The following NCAM2 variants were observed in gnomAD, a reference collection of about 807,000 sequenced individuals.
NCAM2 encodes the protein N-CAM-2.
In NCAM2, 30 loss-of-function variants were observed where a neutral mutation model predicts 98.1. The observed-to-expected ratio is 0.31, with a 90% CI of 0.23 to 0.41. The LOEUF (loss-of-function observed/expected upper bound fraction) is 0.41, where lower values mean the gene tolerates loss of function less well. Ranked by LOEUF, NCAM2 falls within the 10% of genes least tolerant of loss-of-function variation. The pLI, the probability that NCAM2 is intolerant of heterozygous loss-of-function variation, is 1.00. For missense variants in NCAM2, 867 were observed against 1,005.8 expected (o/e 0.86, Z 1.87); for synonymous variants, 368 against 342.4 (o/e 1.07, Z -0.83).
chr21:21,396,116 A>T (rs2145849682), intron 9 of NCAM2, among the ~76,000 whole-genome samples: 1 of 152,098 alleles, frequency 6.6e-6, no homozygotes, highest in Admixed American at 6.5e-5. Context: ...TGTGCATCCG[A>T]CAAAGGACTA....
chr21:21,322,407 A>G (rs760780559), intron 5 of NCAM2, among the ~76,000 whole-genome samples: 1 of 152,134 alleles, frequency 6.6e-6, no homozygotes, highest in Non-Finnish European at 1.5e-5. Context: ...AGAATCATGC[A>G]ATATACCCAG....
intron 5 of NCAM2, among the ~76,000 whole-genome samples, chr21:21,322,271 GAT>G: frequency 6.6e-6 from 1 of 152,220 alleles, no homozygotes; most frequent in Admixed American, 6.5e-5. Flanking sequence ...TGGACATAAA[GAT>G]GGCAGCAATA....
intron 1 of NCAM2, among the ~76,000 whole-genome samples, chr21:21,200,482 G>T (rs954675016): frequency 6.6e-6 from 1 of 150,576 alleles, no homozygotes; most frequent in Admixed American, 6.6e-5. Context: ...ACTTTTCAAC[G>T]TTTAAGAAAT....
chr21:21,237,714 T>A (rs2070889144), intron 1 of NCAM2, among the ~76,000 whole-genome samples: 1 of 152,096 alleles, frequency 6.6e-6, no homozygotes, highest in African/African-American at 2.4e-5. Context: ...AAATTCATTT[T>A]CCCATAGCTA....
At chr21:21,432,666 A>G (rs1373663135) in intron 12 of NCAM2, among the ~76,000 whole-genome samples, 2 of 151,938 alleles carry the variant, frequency 1.3e-5, no homozygotes, top group African/African-American at 4.8e-5. Context: ...AAATGTAGTT[A>G]CCTTCTATAC....
intron 1 of NCAM2, among the ~76,000 whole-genome samples, chr21:21,159,111 A>G (rs896240443): frequency 6.6e-6 from 1 of 152,150 alleles, no homozygotes; most frequent in African/African-American, 2.4e-5. Flanking sequence ...TTAAGAAAAA[A>G]TCTTAAGTAT....
At chr21:21,034,056 G>GC (rs1160880543) in intron 1 of NCAM2, among the ~76,000 whole-genome samples, 1 of 151,068 alleles carries the variant, frequency 6.6e-6, no homozygotes, top group East Asian at 2.0e-4. Context: ...AGGCAAAGGG[G>GC]GGGGGGAAAC....
At position 21,419,487 on chromosome 21, in the gene NCAM2, T is replaced by C. The variant is rs1280307783; in HGVS notation, c.1480+918T>C. Among the ~76,000 whole-genome samples, 3 of 149,798 alleles carry C rather than the reference T, an allele frequency of 2.0e-5. No individual in the cohort carries two copies. In the East Asian group the frequency reaches 6.0e-4, roughly 30 times the overall value. ...AACTCGTCATTTAGCATTAGGTATATCTCCTAATGCTATCCCTCCTCCCTC... is the reference window on the plus strand; with the variant it reads ...AACTCGTCATTTAGCATTAGGTATACCTCCTAATGCTATCCCTCCTCCCTC... On this transcript the variant is annotated intron_variant, in intron 11 of 17. Transcript: ENST00000400546.
intron 8 of NCAM2, among the ~76,000 whole-genome samples, chr21:21,355,781 A>T (rs1315248010): frequency 6.6e-6 from 1 of 151,594 alleles, no homozygotes; most frequent in Non-Finnish European, 1.5e-5. Flanking sequence ...ACGCCTGGTT[A>T]ATTTTTGTAT....
At chr21:21,497,772 C>T (rs1403526034) in intron 15 of NCAM2, among the ~76,000 whole-genome samples, 1 of 152,096 alleles carries the variant, frequency 6.6e-6, no homozygotes, top group Non-Finnish European at 1.5e-5. Context: ...AAAATGTCTA[C>T]ATCAAGACTG....
intron 11 of NCAM2, among the ~76,000 whole-genome samples, chr21:21,424,860 C>T (rs2077180671): frequency 2.0e-5 from 3 of 151,400 alleles, no homozygotes; most frequent in Admixed American, 2.0e-4. Flanking sequence ...GGTGAAACCC[C>T]ATCTCTACTA....
intron 1 of NCAM2, among the ~76,000 whole-genome samples, chr21:21,164,397 T>G (rs554929471): frequency 2.0e-3 from 312 of 152,316 alleles, no homozygotes; most frequent in African/African-American, 7.2e-3. Flanking sequence ...GCCACTAATT[T>G]TAAATGTAAG....
At chr21:21,122,509 C>T (rs2066696302) in intron 1 of NCAM2, among the ~76,000 whole-genome samples, 1 of 152,142 alleles carries the variant, frequency 6.6e-6, no homozygotes, top group South Asian at 2.1e-4. Context: ...AAAACAACAA[C>T]TATTTATTAT....
intron 5 of NCAM2, among the ~76,000 whole-genome samples, chr21:21,307,841 G>T (rs2073932183): frequency 6.6e-6 from 1 of 152,078 alleles, no homozygotes; most frequent in Admixed American, 6.6e-5. Context: ...TACAGCTGAA[G>T]AGAAATCTCT....
chr21:21,177,469 A>G (rs2068332244), intron 1 of NCAM2, among the ~76,000 whole-genome samples: 1 of 152,034 alleles, frequency 6.6e-6, no homozygotes, highest in South Asian at 2.1e-4. Flanking sequence ...AGCATTACCA[A>G]ATGCACCTGA....
chr21:21,215,776 A>C (rs1490149970), intron 1 of NCAM2, among the ~76,000 whole-genome samples: 2 of 151,990 alleles, frequency 1.3e-5, no homozygotes, highest in African/African-American at 4.8e-5. Flanking sequence ...GTGTGTATGT[A>C]CATGCATGCA....
intron 15 of NCAM2, among the ~76,000 whole-genome samples, chr21:21,489,195 A>T (rs1199516481): frequency 6.6e-6 from 1 of 151,990 alleles, no homozygotes; most frequent in Non-Finnish European, 1.5e-5. Flanking sequence ...GGGTTTCACC[A>T]TGTTGGCCAG....
chr21:21,333,862 A>C (rs552508423), intron 6 of NCAM2, among the ~76,000 whole-genome samples: 1 of 152,282 alleles, frequency 6.6e-6, no homozygotes, highest in Non-Finnish European at 1.5e-5. Context: ...ATTAAATTCT[A>C]GATAAAAACT....
chr21:21,361,238 A>G (rs73894629), intron 8 of NCAM2, among the ~76,000 whole-genome samples: 147 of 152,136 alleles, frequency 9.7e-4, no homozygotes, highest in African/African-American at 3.3e-3. Flanking sequence ...ACACACACAC[A>G]CACAAACACA....
Sources: allele counts gnomAD v4.1 joint callset (sites outside exome capture counted in the v4.1 genomes callset), GRCh38; gene constraint gnomAD v4.1.1; transcripts MANE v1.5; gene names NCBI Gene and HGNC (gene_info 2026-07-23, HGNC 2026-07-21).